Variants in NFIL3 observed in about 807,000 individuals in gnomAD.
The protein encoded by NFIL3 is nuclear factor, interleukin 3 regulated, also known as nuclear factor interleukin-3-regulated protein.
A neutral mutation model predicts 10.0 loss-of-function variants in NFIL3; 5 were observed. The ratio of observed to expected loss-of-function variants is 0.50; its 90% CI spans 0.26 to 1.06. The LOEUF is 1.06. Ranked by LOEUF, NFIL3 falls within the 50% of genes least tolerant of loss-of-function variation. The pLI is 0.13. For synonymous variants in NFIL3, 202 were observed against 206.5 expected (o/e 0.98, Z 0.19); for missense variants, 436 against 547.6 (o/e 0.80, Z 2.03).
the NFIL3 span, among the ~76,000 whole-genome samples, chr9:91,440,801 G>A: frequency 6.6e-6 from 1 of 151,984 alleles, no homozygotes; most frequent in Non-Finnish European, 1.5e-5. Flanking sequence ...TTCCACATAT[G>A]TGTGAGTTTT....
the NFIL3 span, among the ~76,000 whole-genome samples, chr9:91,450,086 TTTCTC>T: frequency 6.6e-6 from 1 of 152,120 alleles, no homozygotes; most frequent in Non-Finnish European, 1.5e-5. Context: ...ATTTGTATCT[TTTCTC>T]TTTTGTTCTT....
rs1286210247 is a variant in NFIL3 at position 91,409,145 on chromosome 9, T to A, written c.*201A>T. The A allele has an allele frequency of 1.9e-6, 1 of 538,306 alleles. No homozygotes were observed. Among genetic ancestry groups the A allele is most frequent in the Middle Eastern group, 4.8e-4 (1 of 2,094 alleles). 33.3% of individuals were successfully genotyped at this position (538,306 alleles called of 1,614,324 possible). ...CAATATATACAGCCTTCGCATGGAC[T>A]ATCTGACTATACACAGGCAGAGTGA... is the stretch of plus-strand genomic sequence containing the variant. On this transcript the variant is annotated 3_prime_UTR_variant, in exon 2 of 2. Coordinates refer to ENST00000297689, the MANE Select transcript of NFIL3 (RefSeq NM_005384.3).
At chr9:91,449,561 G>A in the NFIL3 span, among the ~76,000 whole-genome samples, 1 of 152,020 alleles carries the variant, frequency 6.6e-6, no homozygotes, top group Non-Finnish European at 1.5e-5. Flanking sequence ...AATCCCACTT[G>A]GTTGTGGAGT....
At chr9:91,475,566 A>G in the NFIL3 span, among the ~76,000 whole-genome samples, 4 of 152,238 alleles carry the variant, frequency 2.6e-5, no homozygotes, top group African/African-American at 7.2e-5. Context: ...AAGAAAGACT[A>G]CAAAATAAAA....
chr9:91,414,346 G>A (rs1833612336), intron 1 of NFIL3, among the ~76,000 whole-genome samples: 1 of 152,222 alleles, frequency 6.6e-6, no homozygotes, highest in Non-Finnish European at 1.5e-5. Flanking sequence ...TGGGATTACA[G>A]GCATGTGCCA....
rs775527698 is a variant in NFIL3 at position 91,410,683 on chromosome 9, C to T, written c.52G>A (p.Ala18Thr). 1.1e-5 allele frequency: 18 copies of T among 1,610,176 alleles called. No homozygotes were observed. In the East Asian group the frequency reaches 4.0e-4, roughly 36 times the overall value. ...ATCATCTTGTCCACATTGCTACTGGCATCAAGAGACGCCTGCTCCTTTTTG... is the reference window on the plus strand; with the variant it reads ...ATCATCTTGTCCACATTGCTACTGGTATCAAGAGACGCCTGCTCCTTTTTG... ...TVKKEQASLDASSNVDKMMVL... is the reference protein window; with the variant it reads ...TVKKEQASLDTSSNVDKMMVL... Residue 18 changes from alanine to threonine, a missense_variant, in exon 2 of 2, where the codon GCC becomes ACC. Physicochemically the swap from Ala to Thr is moderately conservative, Grantham distance 58. Coordinates refer to ENST00000297689, the MANE Select transcript of NFIL3 (RefSeq NM_005384.3). This position sits in a 1 kb window ranked among gnomAD's most constrained non-coding sequence, Gnocchi z 5.7.
chr9:91,430,414 C>T, the NFIL3 span, among the ~76,000 whole-genome samples: 1 of 152,138 alleles, frequency 6.6e-6, no homozygotes, highest in Admixed American at 6.5e-5. Context: ...TACATGTTTA[C>T]TGACTACTTA....
At chr9:91,463,630 T>TTC in the NFIL3 span, among the ~76,000 whole-genome samples, 4,326 of 152,210 alleles carry the variant, frequency 0.028, 85 homozygotes, top group East Asian at 0.064. Context: ...AGAATGTGCA[T>TTC]TCTGCTGCTG....
At chr9:91,446,435 G>A in the NFIL3 span, among the ~76,000 whole-genome samples, 1 of 152,156 alleles carries the variant, frequency 6.6e-6, no homozygotes, top group Non-Finnish European at 1.5e-5. Flanking sequence ...GCAAGGCAAC[G>A]AGTTCTACGA....
chr9:91,409,192 A>C lies in NFIL3; in HGVS notation c.*154T>G. ...GTGATAACACAATCTAATCTTCATC[A>C]TAATCTGTGCACAAAAAGACACCAA... On this transcript the variant is annotated 3_prime_UTR_variant, in exon 2 of 2. Transcript: ENST00000297689. 4 of 680,030 alleles carry C rather than the reference A, an allele frequency of 5.9e-6. No homozygotes were observed. The South Asian group carries it at 8.6e-5, about 15-fold the overall frequency. 42.1% of individuals were successfully genotyped at this position (680,030 alleles called of 1,614,324 possible).
At chr9:91,478,502 T>A in the NFIL3 span, among the ~76,000 whole-genome samples, 1 of 152,030 alleles carries the variant, frequency 6.6e-6, no homozygotes, top group Admixed American at 6.6e-5. Flanking sequence ...AGGTCATTTA[T>A]GTTCTTCTCT....
upstream of NFIL3, among the ~76,000 whole-genome samples, chr9:91,426,644 G>A (rs1278105189): frequency 1.3e-5 from 2 of 152,102 alleles, no homozygotes; most frequent in Non-Finnish European, 2.9e-5. Context: ...ACCAGCAGAA[G>A]ACAATCAACC....
the NFIL3 span, among the ~76,000 whole-genome samples, chr9:91,451,086 T>C: frequency 6.6e-6 from 1 of 152,234 alleles, no homozygotes; most frequent in Non-Finnish European, 1.5e-5. Flanking sequence ...TAGCATGATT[T>C]CAAAGCCCAC....
chr9:91,440,645 G>A, the NFIL3 span, among the ~76,000 whole-genome samples: 21,337 of 151,898 alleles, frequency 0.14, 1,651 homozygotes, highest in East Asian at 0.34. Flanking sequence ...ACTTATTGCT[G>A]TACACTTTCC....
At chr9:91,415,004 AAAG>A (rs1276554332) in intron 1 of NFIL3, among the ~76,000 whole-genome samples, 2 of 152,240 alleles carry the variant, frequency 1.3e-5, no homozygotes, top group African/African-American at 4.8e-5. Context: ...TGTGAATTGT[AAAG>A]AAGATATTTT....
upstream of NFIL3, among the ~76,000 whole-genome samples, chr9:91,426,059 G>T (rs1421038233): frequency 6.6e-6 from 1 of 152,164 alleles, no homozygotes; most frequent in East Asian, 1.9e-4. Flanking sequence ...TTCAAGACAG[G>T]TAAAGAACGT....
the NFIL3 span, among the ~76,000 whole-genome samples, chr9:91,449,736 G>A: frequency 6.6e-6 from 1 of 152,016 alleles, no homozygotes; most frequent in African/African-American, 2.4e-5. Flanking sequence ...TAGTTACAAA[G>A]TTTCCTCTCC....
chr9:91,482,483 T>C, the NFIL3 span, among the ~76,000 whole-genome samples: 1 of 151,902 alleles, frequency 6.6e-6, no homozygotes, highest in South Asian at 2.1e-4. Flanking sequence ...ACTAGGAGTA[T>C]AGATTACTGT....
chr9:91,409,670 A>G lies in NFIL3; in HGVS notation c.1065T>C (p.Ile355=). ...CGAAATGTCTTTTAGATGTCATGTC[A>G]ATAGGTGAGGAAAGTTTTTGCGTGG... ...FEATQKLSSP[I]DMTSKRHFEL... is the part of the protein sequence containing the mutation. Residue 355 remains isoleucine (I), a synonymous_variant, in exon 2 of 2, where the codon ATT becomes ATC. Coordinates refer to ENST00000297689, the MANE Select transcript of NFIL3 (RefSeq NM_005384.3). 1 of 1,614,212 alleles carries G rather than the reference A, an allele frequency of 6.2e-7. No homozygotes were observed. Among genetic ancestry groups the G allele is most frequent in the Non-Finnish European group, 8.5e-7 (1 of 1,180,036 alleles).
Sources: gnomAD v4.1 joint callset for allele counts (sites outside exome capture counted in the v4.1 genomes callset) on GRCh38, gnomAD v4.1.1 for gene constraint, Gnocchi (gnomAD v3.1) non-coding constraint, MANE v1.5 for transcripts, NCBI Gene and HGNC (gene_info 2026-07-23, HGNC 2026-07-21) for gene names.